Variants in CFAP69 observed in about 807,000 individuals in gnomAD.
The protein encoded by CFAP69 is cilia and flagella associated protein 69.
In CFAP69, 92 loss-of-function variants were observed where a neutral mutation model predicts 123.0. The observed-to-expected ratio is 0.75, with a 90% CI of 0.63 to 0.89. The LOEUF is 0.89. Ranked by LOEUF, CFAP69 falls within the 40% of genes least tolerant of loss-of-function variation. The pLI, the probability that CFAP69 is intolerant of heterozygous loss-of-function variation, is 0.00. For synonymous variants in CFAP69, 380 were observed against 364.3 expected (o/e 1.04, Z -0.49); for missense variants, 1,067 against 1,096.9 (o/e 0.97, Z 0.39).
intron 11 of CFAP69, among the ~76,000 whole-genome samples, 174 bp from the exon 12 acceptor site, chr7:90,279,503 T>C (rs1193061383): frequency 6.6e-6 from 1 of 151,606 alleles, no homozygotes; most frequent in Non-Finnish European, 1.5e-5. Context: ...GGATTATAAC[T>C]TATTTAATTT....
At position 90,297,770 on chromosome 7, in the gene CFAP69, T is replaced by C; in HGVS notation, c.1797T>C (p.Tyr599=). 2 of 1,575,376 alleles carry C rather than the reference T, an allele frequency of 1.3e-6. No homozygotes were observed. The highest frequency in any genetic ancestry group is 8.6e-7 in the Non-Finnish European group (1 of 1,168,138). ...TAAGGTGCTGTATTTTGGGATGTTA[T>C]CCCTCAGAGGATTATTTTCTTGAAA... is the stretch of plus-strand genomic sequence containing the variant. ...DSIWCCILGC[Y]PSEDYFLEKE... is the part of the protein sequence containing the mutation. The change falls in exon 16 of 23, where the codon TAT becomes TAC. Residue 599 remains tyrosine (Y), a synonymous_variant. Transcript: ENST00000389297.
At chr7:90,303,480 T>A (rs1271100106) in intron 17 of CFAP69, 2 of 759,824 alleles carry the variant, frequency 2.6e-6, no homozygotes, top group East Asian at 2.6e-4. Flanking sequence ...TTAGATATGT[T>A]TCCTTAAGTA....
At chr7:90,290,493 G>C (rs916498160) in intron 15 of CFAP69, among the ~76,000 whole-genome samples, 1 of 152,106 alleles carries the variant, frequency 6.6e-6, no homozygotes, top group African/African-American at 2.4e-5. Context: ...CATTAGTAAG[G>C]GCAGGCTACT....
intron 1 of CFAP69, 35 bp downstream of exon 1, chr7:90,245,579 G>A: frequency 6.9e-7 from 1 of 1,447,652 alleles, no homozygotes; most frequent in South Asian, 1.5e-5. Context: ...AGAGGTGGAG[G>A]GGGTGGGAGT....
intron 14 of CFAP69, among the ~76,000 whole-genome samples, chr7:90,287,051 A>T (rs1790394138): frequency 6.8e-6 from 1 of 147,124 alleles, no homozygotes; most frequent in Non-Finnish European, 1.5e-5. Context: ...TCACCACTGC[A>T]CTCCAGCCTA....
At chr7:90,268,416 TTG>T (rs1799463089) in intron 6 of CFAP69, 32 bp downstream of exon 6, 3 of 1,440,106 alleles carry the variant, frequency 2.1e-6, no homozygotes, top group Admixed American at 3.5e-5. Flanking sequence ...CAGTGATAAC[TTG>T]TGTATGTAGA....
At chr7:90,298,012 A>C (rs1368712357) in intron 16 of CFAP69, among the ~76,000 whole-genome samples, 182 bp downstream of exon 16, 3 of 152,220 alleles carry the variant, frequency 2.0e-5, no homozygotes, top group Non-Finnish European at 4.4e-5. Context: ...AAAGGCTCTG[A>C]AAATTCCTCT....
At chr7:90,270,293 A>G (rs981481572) in intron 6 of CFAP69, 3 of 152,204 alleles carry the variant, frequency 2.0e-5, no homozygotes, top group Non-Finnish European at 4.4e-5. Context: ...TGGTCCATCC[A>G]TATGATAGAC....
chr7:90,295,311 TC>T (rs1478134222), intron 15 of CFAP69, among the ~76,000 whole-genome samples: 1 of 152,138 alleles, frequency 6.6e-6, no homozygotes, highest in Admixed American at 6.6e-5. Flanking sequence ...CGGTCAAGTT[TC>T]CTTGCTTTTT....
intron 2 of CFAP69, 57 bp downstream of exon 2, chr7:90,255,539 G>T: frequency 7.6e-7 from 1 of 1,309,168 alleles, no homozygotes; most frequent in South Asian, 1.2e-5. Flanking sequence ...CTATTTCCCT[G>T]AAAGGTAACA....
chr7:90,303,222 G>A (rs1347094903), intron 17 of CFAP69: 1 of 151,906 alleles, frequency 6.6e-6, no homozygotes, highest in African/African-American at 2.4e-5. Context: ...TTTGGGCCGA[G>A]ACTATGGAGT....
rs139797267 is a variant in CFAP69 at position 90,273,038 on chromosome 7, G to A, written c.861-949G>A. On this transcript the variant is annotated intron_variant, in intron 8 of 22. Transcript: ENST00000389297. ...GCTGTTCTTATAAAAAGGGCAAGTA[G>A]GTCCCAGGAGGCAAAGCAACAAATA... is the stretch of plus-strand genomic sequence containing the variant. Among the ~76,000 whole-genome samples the A allele has an allele frequency of 2.6e-3, 399 of 152,258 alleles. 2 individuals are homozygous for A. The highest frequency in any genetic ancestry group is 9.0e-3 in the African/African-American group (373 of 41,540).
the CFAP69 span, chr7:90,319,280 G>GA: frequency 7.5e-6 from 3 of 397,586 alleles, no homozygotes; most frequent in East Asian, 3.6e-5. Flanking sequence ...TGGATAACTT[G>GA]AAAAAAATCA....
chr7:90,291,545 A>G (rs1262350417), intron 15 of CFAP69, among the ~76,000 whole-genome samples: 10 of 152,104 alleles, frequency 6.6e-5, no homozygotes, highest in Non-Finnish European at 1.5e-4. Flanking sequence ...GCTTCATTTT[A>G]CCCAGGCCCT....
chr7:90,265,204 T>C, intron 4 of CFAP69, 97 bp from the exon 5 acceptor site: 1 of 684,392 alleles, frequency 1.5e-6, no homozygotes, highest in Non-Finnish European at 2.5e-6. Flanking sequence ...TATTATTAAT[T>C]TATTCTTTAG....
At chr7:90,290,547 C>T (rs1790975720) in intron 15 of CFAP69, among the ~76,000 whole-genome samples, 1 of 152,076 alleles carries the variant, frequency 6.6e-6, no homozygotes, top group Non-Finnish European at 1.5e-5. Flanking sequence ...TCCAGAAACA[C>T]CTTCACAGAC....
Position 90,265,319 on chromosome 7 carries a change from G to C in CFAP69, c.375G>C (p.Lys125Asn). ...IKLCGLPFLKKKVSDEITYAE... is the reference protein window; with the variant it reads ...IKLCGLPFLKNKVSDEITYAE... Reference sequence around the variant, plus strand: ...ATTGAAGCTTGCCATTTTTGAAAAAGAAAGTGTCGGATGAAATAACTTATG... The same window carrying C: ...ATTGAAGCTTGCCATTTTTGAAAAACAAAGTGTCGGATGAAATAACTTATG... Residue 125 changes from lysine to asparagine, a missense_variant, in exon 5 of 23, where the codon AAG becomes AAC. Lys to Asn is a moderately conservative substitution (Grantham distance 94). Coordinates refer to ENST00000389297, the MANE Select transcript of CFAP69 (RefSeq NM_001039706.3). The C allele has an allele frequency of 1.9e-6, 3 of 1,610,266 alleles. No individual in the cohort carries two copies. Among genetic ancestry groups the C allele is most frequent in the Non-Finnish European group, 2.5e-6 (3 of 1,177,846 alleles).
chr7:90,307,962 C>T lies in CFAP69; in HGVS notation c.2550+108C>T. The T allele has an allele frequency of 3.1e-6, 2 of 641,868 alleles. 1 individual carries two copies. The highest frequency in any genetic ancestry group is 4.1e-5 in the South Asian group (2 of 48,518). 39.8% of individuals were successfully genotyped at this position (641,868 alleles called of 1,614,324 possible). A position where few individuals can be genotyped will look rare whatever the true frequency, so the allele number is the denominator to read the frequency against. The stretch of plus-strand genomic sequence containing the variant: ...ATTTTTTCCTAGTGACCTTTCCGTA[C>T]AATACCAGCACTATTAGATGCTCAT... On this transcript the variant is annotated intron_variant, in intron 21 of 22. Transcript: ENST00000389297.
chr7:90,261,310 T>A (rs1272471661), intron 3 of CFAP69, among the ~76,000 whole-genome samples: 1 of 152,168 alleles, frequency 6.6e-6, no homozygotes, highest in African/African-American at 2.4e-5. Flanking sequence ...CCTGACCTCG[T>A]GATCCACCTG....
Sources: allele counts gnomAD v4.1 joint callset (sites outside exome capture counted in the v4.1 genomes callset), GRCh38; gene constraint gnomAD v4.1.1; transcripts MANE v1.5; gene names NCBI Gene and HGNC (gene_info 2026-07-23, HGNC 2026-07-21).